Variants in FABP12 observed in about 807,000 individuals in gnomAD.
FABP12 encodes the protein fatty acid binding protein 12.
In FABP12, 19 loss-of-function variants were observed where a neutral mutation model predicts 13.7. The observed-to-expected ratio is 1.39, with a 90% CI of 0.97 to 2.04. FABP12 has a LOEUF of 2.04. FABP12 is among the 30% of genes most tolerant of loss of function. FABP12 has a pLI of 0.00. For missense variants in FABP12, 182 were observed against 164.2 expected (o/e 1.11, Z -0.59); for synonymous variants, 61 against 57.0 (o/e 1.07, Z -0.32).
At chr8:81,571,992 G>A (rs1380044566) in intron 1 of FABP12, among the ~76,000 whole-genome samples, 1 of 152,008 alleles carries the variant, frequency 6.6e-6, no homozygotes, top group African/African-American at 2.4e-5. Context: ...TGGGGTACAA[G>A]TGATGTTTGG....
Position 81,560,183 on chromosome 8 carries a change from T to C in FABP12, c.-184-20440A>G, listed in dbSNP as rs916095844. Among the ~76,000 whole-genome samples, 10 of 152,166 alleles carry C rather than the reference T, an allele frequency of 6.6e-5. No individual in the cohort carries two copies. The East Asian group carries it at 1.9e-3, about 29-fold the overall frequency. Reference sequence around the variant, plus strand: ...AGACGAAGACTTACAATAAAGAATGTCAACTGAAGGAAATGAAGAAGTAAA... The same window carrying C: ...AGACGAAGACTTACAATAAAGAATGCCAACTGAAGGAAATGAAGAAGTAAA... On this transcript the variant is annotated intron_variant, in intron 1 of 5. Coordinates refer to the FABP12 transcript ENST00000692030.
At chr8:81,558,762 C>T (rs533235895) in intron 1 of FABP12, among the ~76,000 whole-genome samples, 14 of 151,942 alleles carry the variant, frequency 9.2e-5, no homozygotes, top group South Asian at 6.2e-4. Context: ...TGGTGGCACA[C>T]GCCTGTAATC....
chr8:81,532,767 G>A (rs898025653), intron 1 of FABP12, among the ~76,000 whole-genome samples: 17 of 152,220 alleles, frequency 1.1e-4, no homozygotes, highest in Non-Finnish European at 2.2e-4. Context: ...GTTGCAGTGA[G>A]CCAAGATCGT....
chr8:81,533,640 C>T (rs1372266347), intron 1 of FABP12, among the ~76,000 whole-genome samples, 162 bp downstream of exon 1: 1 of 152,324 alleles, frequency 6.6e-6, no homozygotes, highest in African/African-American at 2.4e-5. Flanking sequence ...CTTGCCTCCA[C>T]ACCCTGTGCT....
At chr8:81,558,609 G>A (rs1046791787) in intron 1 of FABP12, among the ~76,000 whole-genome samples, 1 of 152,022 alleles carries the variant, frequency 6.6e-6, no homozygotes, top group African/African-American at 2.4e-5. Context: ...AGTTGGATGA[G>A]GGCAGGGCGC....
At chr8:81,572,119 C>T (rs1047102480) in intron 1 of FABP12, among the ~76,000 whole-genome samples, 4 of 151,182 alleles carry the variant, frequency 2.6e-5, no homozygotes, top group Admixed American at 2.0e-4. Context: ...CCACTCTTCC[C>T]CCCCAAGTCC....
chr8:81,545,349 A>G (rs1027545168), intron 1 of FABP12, among the ~76,000 whole-genome samples: 1 of 152,174 alleles, frequency 6.6e-6, no homozygotes, highest in Non-Finnish European at 1.5e-5. Flanking sequence ...GAGGGACATG[A>G]TTGGACTTCT....
At chr8:81,562,190 G>C (rs918788397) in intron 1 of FABP12, among the ~76,000 whole-genome samples, 1 of 152,204 alleles carries the variant, frequency 6.6e-6, no homozygotes, top group Admixed American at 6.5e-5. Context: ...AAGGGAACCT[G>C]CTGCCTTGAA....
intron 1 of FABP12, among the ~76,000 whole-genome samples, chr8:81,589,998 A>T (rs915080010): frequency 4.6e-5 from 7 of 152,236 alleles, no homozygotes; most frequent in African/African-American, 1.7e-4. Flanking sequence ...AGGCATTTCT[A>T]AAATTGTTCT....
intron 1 of FABP12, among the ~76,000 whole-genome samples, chr8:81,554,952 G>C (rs1212701075): frequency 1.3e-5 from 2 of 152,142 alleles, no homozygotes; most frequent in Non-Finnish European, 2.9e-5. Context: ...AAGTGGTTCT[G>C]ACCTTCAGCC....
chr8:81,577,972 CTAAT>C (rs1025855403), intron 1 of FABP12, among the ~76,000 whole-genome samples: 4 of 152,172 alleles, frequency 2.6e-5, no homozygotes, highest in African/African-American at 4.8e-5. Flanking sequence ...ATGGAATCCT[CTAAT>C]TATTTGTTTT....
intron 2 of FABP12, 113 bp downstream of exon 2, chr8:81,531,130 C>T: frequency 1.4e-6 from 1 of 714,352 alleles, no homozygotes; most frequent in Non-Finnish European, 2.4e-6. Flanking sequence ...TTTATTTTTT[C>T]CTATGTGAAA....
At chr8:81,534,545 C>G (rs1164002053), upstream of FABP12, among the ~76,000 whole-genome samples, 1 of 152,184 alleles carries the variant, frequency 6.6e-6, no homozygotes, top group Non-Finnish European at 1.5e-5. Context: ...CTCCATTATA[C>G]TAGCCACTTC....
At chr8:81,541,017 A>G (rs1809327753) in intron 1 of FABP12, among the ~76,000 whole-genome samples, 1 of 151,954 alleles carries the variant, frequency 6.6e-6, no homozygotes, top group African/African-American at 2.4e-5. Context: ...AATACAAAAA[A>G]TTAGCCAGGT....
chr8:81,578,758 A>C (rs1810099509), intron 1 of FABP12, among the ~76,000 whole-genome samples: 1 of 150,622 alleles, frequency 6.6e-6, no homozygotes, highest in Non-Finnish European at 1.5e-5. Flanking sequence ...TGCTGGGATT[A>C]CAGGTGTGAG....
chr8:81,576,631 G>T (rs1183362519), intron 1 of FABP12, among the ~76,000 whole-genome samples: 1 of 151,958 alleles, frequency 6.6e-6, no homozygotes, highest in African/African-American at 2.4e-5. Flanking sequence ...TACATAAATT[G>T]TTTCCTTTTT....
rs529277781 is a variant in FABP12 at position 81,540,511 on chromosome 8, GAT to G, written c.-184-770_-184-769del. Among the ~76,000 whole-genome samples the G allele has an allele frequency of 1.1e-3, 161 of 152,262 alleles. 2 individuals are homozygous for G. The highest frequency in any genetic ancestry group is 3.8e-3 in the African/African-American group (158 of 41,538). On this transcript the variant is annotated intron_variant, in intron 1 of 5. Coordinates refer to the FABP12 transcript ENST00000692030. Reference sequence around the variant, plus strand: ...CAAATTTAATCTTCATGTAATCTCAGATATATGAAGACAAAATTGAGGGATAT... The same window carrying G: ...CAAATTTAATCTTCATGTAATCTCAGATATGAAGACAAAATTGAGGGATAT...
chr8:81,537,304 G>C (rs1809246581), upstream of FABP12, among the ~76,000 whole-genome samples: 1 of 152,160 alleles, frequency 6.6e-6, no homozygotes, highest in Admixed American at 6.6e-5. Flanking sequence ...TTAAAAAGCT[G>C]TCCTGCTATC....
intron 1 of FABP12, among the ~76,000 whole-genome samples, chr8:81,574,408 A>C (rs1809994286): frequency 6.6e-6 from 1 of 151,968 alleles, no homozygotes; most frequent in Non-Finnish European, 1.5e-5. Flanking sequence ...ACCAGTCTGT[A>C]GTTTTCTTTT....
Sources: gnomAD v4.1 joint callset for allele counts (sites outside exome capture counted in the v4.1 genomes callset) on GRCh38, gnomAD v4.1.1 for gene constraint, MANE v1.5 for transcripts, NCBI Gene and HGNC (gene_info 2026-07-23, HGNC 2026-07-21) for gene names.